Variants in NKAIN2 observed in about 807,000 individuals in gnomAD.
NKAIN2 encodes the protein sodium/potassium transporting ATPase interacting 2.
A neutral mutation model predicts 32.6 loss-of-function variants in NKAIN2; 14 were observed. The observed-to-expected ratio is 0.43, with a 90% CI of 0.28 to 0.67. NKAIN2 has a LOEUF of 0.67. Ranked by LOEUF, NKAIN2 falls within the 30% of genes least tolerant of loss-of-function variation. NKAIN2 has a pLI of 0.17. For missense variants in NKAIN2, 198 were observed against 258.3 expected, an observed-to-expected ratio of 0.77 and a Z score of 1.60; for synonymous variants, 80 against 87.2, an observed-to-expected ratio of 0.92 and a Z score of 0.46.
chr6:123,842,066 A>G (rs1774894951), intron 1 of NKAIN2, among the ~76,000 whole-genome samples: 1 of 152,238 alleles, frequency 6.6e-6, no homozygotes, highest in African/African-American at 2.4e-5. Flanking sequence ...GTCTACCAAC[A>G]TCAGTAGACA....
intron 2 of NKAIN2, among the ~76,000 whole-genome samples, chr6:124,311,056 C>A (rs1796691103): frequency 6.6e-6 from 1 of 152,108 alleles, no homozygotes; most frequent in Admixed American, 6.6e-5. Context: ...TCTAAAGCCA[C>A]AATTTTCAAA....
At chr6:123,994,481 G>A (rs1779535843) in intron 1 of NKAIN2, among the ~76,000 whole-genome samples, 1 of 152,086 alleles carries the variant, frequency 6.6e-6, no homozygotes, top group African/African-American at 2.4e-5. Flanking sequence ...TTTATCATAG[G>A]TCATGTGCAG....
intron 4 of NKAIN2, among the ~76,000 whole-genome samples, chr6:124,776,129 T>C (rs1033097303): frequency 5.3e-5 from 8 of 152,200 alleles, no homozygotes; most frequent in African/African-American, 1.7e-4. Context: ...TGAAAGAATA[T>C]GTAGTGATCT....
intron 1 of NKAIN2, among the ~76,000 whole-genome samples, chr6:124,050,707 C>G (rs1782363498): frequency 1.3e-5 from 2 of 152,018 alleles, no homozygotes; most frequent in African/African-American, 4.8e-5. Flanking sequence ...TTGTGATCAC[C>G]TTTATTCCTT....
At chr6:124,313,757 A>G (rs1016413965) in intron 2 of NKAIN2, among the ~76,000 whole-genome samples, 1 of 152,104 alleles carries the variant, frequency 6.6e-6, no homozygotes, top group Non-Finnish European at 1.5e-5. Flanking sequence ...TTGACAGAGT[A>G]TCTGTTGTTT....
chr6:124,692,672 C>T (rs903160284), intron 4 of NKAIN2, among the ~76,000 whole-genome samples: 3 of 151,862 alleles, frequency 2.0e-5, no homozygotes, highest in African/African-American at 4.8e-5. Context: ...AAAAATTAGC[C>T]GGGCATGGTG....
At position 124,501,747 on chromosome 6, in the gene NKAIN2, A is replaced by G. The variant is rs192287373; in HGVS notation, c.273+146400A>G. 2.9e-4 allele frequency among the ~76,000 whole-genome samples: 44 copies of G among 152,200 alleles called. No individual in the cohort carries two copies. The East Asian group carries it at 5.8e-3, about 20-fold the overall frequency. On this transcript the variant is annotated intron_variant, in intron 3 of 6. Transcript: ENST00000368417. ...CTTCGCCTCTCTAGCATTTTGTCTC[A>G]TCGCTCCCTTTCCCACAGTCTGAAC...
intron 1 of NKAIN2, among the ~76,000 whole-genome samples, chr6:123,972,369 G>T (rs1304657674): frequency 1.3e-5 from 2 of 152,088 alleles, no homozygotes; most frequent in Non-Finnish European, 2.9e-5. Flanking sequence ...TTGATTTTAG[G>T]TCATCACAGA....
intron 4 of NKAIN2, among the ~76,000 whole-genome samples, chr6:124,789,038 A>G (rs1336937970): frequency 2.0e-4 from 30 of 152,074 alleles, no homozygotes; most frequent in Admixed American, 2.0e-3. Context: ...CTTTTATATC[A>G]AAGGAGCTCC....
At chr6:124,649,919 A>G (rs1784307733) in intron 3 of NKAIN2, among the ~76,000 whole-genome samples, 1 of 152,190 alleles carries the variant, frequency 6.6e-6, no homozygotes, top group African/African-American at 2.4e-5. Flanking sequence ...TAGATGTATA[A>G]AAAGCATTTG....
At chr6:124,255,808 A>T (rs1179317738) in intron 1 of NKAIN2, among the ~76,000 whole-genome samples, 1 of 152,196 alleles carries the variant, frequency 6.6e-6, no homozygotes, top group African/African-American at 2.4e-5. Context: ...GCCTTAAAAT[A>T]TGCTCTCACT....
intron 3 of NKAIN2, among the ~76,000 whole-genome samples, chr6:124,466,331 G>A (rs886090882): frequency 6.6e-6 from 1 of 152,092 alleles, no homozygotes; most frequent in African/African-American, 2.4e-5. Flanking sequence ...CCTGTAAAAT[G>A]TAAGCTACTT....
intron 3 of NKAIN2, among the ~76,000 whole-genome samples, chr6:124,382,151 C>G (rs1346073958): frequency 6.6e-6 from 1 of 151,760 alleles, no homozygotes; most frequent in Non-Finnish European, 1.5e-5. Flanking sequence ...ACATGTAAGA[C>G]AGATGTTTTA....
At chr6:124,462,936 A>G (rs150120984) in intron 3 of NKAIN2, among the ~76,000 whole-genome samples, 1 of 151,972 alleles carries the variant, frequency 6.6e-6, no homozygotes, top group Admixed American at 6.6e-5. Flanking sequence ...TTATTCCACA[A>G]CTCTGCAAAA....
intron 1 of NKAIN2, among the ~76,000 whole-genome samples, chr6:123,937,033 A>G (rs1165637598): frequency 6.6e-6 from 1 of 152,120 alleles, no homozygotes; most frequent in African/African-American, 2.4e-5. Context: ...ACTCTGTCAC[A>G]CTTCAAAAAT....
chr6:124,817,868 CA>C (rs1474763796), intron 5 of NKAIN2, among the ~76,000 whole-genome samples: 19 of 152,170 alleles, frequency 1.2e-4, no homozygotes, highest in African/African-American at 4.6e-4. Flanking sequence ...CCACATTTGG[CA>C]GGGACAGCAA....
intron 4 of NKAIN2, among the ~76,000 whole-genome samples, chr6:124,710,978 C>A (rs916244536): frequency 6.7e-6 from 1 of 149,412 alleles, no homozygotes; most frequent in Non-Finnish European, 1.5e-5. Flanking sequence ...CGGGTTGTTC[C>A]TTTCCATGTT....
chr6:124,338,253 T>A (rs555171558), intron 2 of NKAIN2, among the ~76,000 whole-genome samples: 2 of 152,248 alleles, frequency 1.3e-5, no homozygotes, highest in African/African-American at 4.8e-5. Flanking sequence ...AGTGTTAAAA[T>A]TTGTCAAAAA....
chr6:123,818,982 G>C (rs1193704358), intron 1 of NKAIN2, among the ~76,000 whole-genome samples: 2 of 152,156 alleles, frequency 1.3e-5, no homozygotes, highest in East Asian at 3.8e-4. Flanking sequence ...GTGTGTGTTT[G>C]TCTGTGTGTG....
Sources: allele counts gnomAD v4.1 joint callset (sites outside exome capture counted in the v4.1 genomes callset), GRCh38; gene constraint gnomAD v4.1.1; transcripts MANE v1.5; gene names NCBI Gene and HGNC (gene_info 2026-07-23, HGNC 2026-07-21).